Variants in SUPT3H observed in about 807,000 individuals in gnomAD.
SUPT3H encodes transcription initiation protein SPT3 homolog.
A neutral mutation model predicts 44.3 loss-of-function variants in SUPT3H; 44 were observed. The observed-to-expected ratio is 0.99, with a 90% CI of 0.78 to 1.28. SUPT3H has a LOEUF of 1.28. Among genes scored for constraint, SUPT3H ranks in the 50% most tolerant of loss-of-function variants. The pLI is 0.00. For missense variants in SUPT3H, 380 were observed against 387.1 expected (o/e 0.98, Z 0.15); for synonymous variants, 124 against 125.6 (o/e 0.99, Z 0.09).
intron 2 of SUPT3H, among the ~76,000 whole-genome samples, chr6:45,198,762 C>T (rs573025083): frequency 5.0e-5 from 5 of 100,976 alleles, no homozygotes; most frequent in Admixed American, 9.4e-5. Context: ...TTAAGTCACA[C>T]TACCTGAAGT....
chr6:45,201,877 A>G (rs4714842), intron 2 of SUPT3H, among the ~76,000 whole-genome samples: 16,968 of 151,934 alleles, frequency 0.11, 1,343 homozygotes, highest in East Asian at 0.26. Flanking sequence ...TTAAAATATT[A>G]ACAGTTTTAT....
intron 2 of SUPT3H, among the ~76,000 whole-genome samples, chr6:45,170,812 G>A (rs191209616): frequency 1.3e-5 from 2 of 152,178 alleles, no homozygotes; most frequent in East Asian, 3.9e-4. Context: ...ATTAACATAA[G>A]AATGCTAGCA....
intron 2 of SUPT3H, among the ~76,000 whole-genome samples, chr6:45,249,697 C>G (rs1229304065): frequency 6.6e-6 from 1 of 152,084 alleles, no homozygotes; most frequent in Non-Finnish European, 1.5e-5. Flanking sequence ...CTTTTCCAAC[C>G]TCACTCAAGC....
At chr6:45,126,496 AT>A (rs545624188) in intron 2 of SUPT3H, among the ~76,000 whole-genome samples, 8 of 151,820 alleles carry the variant, frequency 5.3e-5, no homozygotes, top group African/African-American at 1.7e-4. Flanking sequence ...AAAACGGTCA[AT>A]TTTTTTTTAA....
At chr6:45,358,237 A>G (rs62400332) in intron 2 of SUPT3H, among the ~76,000 whole-genome samples, 3 of 152,198 alleles carry the variant, frequency 2.0e-5, no homozygotes, top group African/African-American at 7.2e-5. Context: ...TGTATTTACT[A>G]TATTTCTTCT....
chr6:45,251,981 T>A (rs1274574923), intron 2 of SUPT3H, among the ~76,000 whole-genome samples: 1 of 152,048 alleles, frequency 6.6e-6, no homozygotes, highest in Non-Finnish European at 1.5e-5. Context: ...CATGTTTAAA[T>A]AAAGAAAAGG....
intron 3 of SUPT3H, among the ~76,000 whole-genome samples, chr6:45,029,089 C>T (rs1583154712): frequency 6.6e-6 from 1 of 151,602 alleles, no homozygotes; most frequent in South Asian, 2.1e-4. Flanking sequence ...ATTTTCCTAC[C>T]ATATAATCGT....
At chr6:45,161,542 A>AT (rs1053536521) in intron 2 of SUPT3H, among the ~76,000 whole-genome samples, 7 of 152,148 alleles carry the variant, frequency 4.6e-5, no homozygotes, top group African/African-American at 1.7e-4. Context: ...CATAAACTGC[A>AT]TTTTTTTCAA....
Position 45,173,645 on chromosome 6 carries a change from T to C in SUPT3H, c.102-67639A>G, listed in dbSNP as rs548490649. The stretch of plus-strand genomic sequence containing the variant: ...ATTATTTCTAATGGTTCTAAACCAA[T>C]AACTGTAAACCATACTCTGTCAACT... On this transcript the variant is annotated intron_variant, in intron 2 of 10. Transcript: ENST00000371459. Among the ~76,000 whole-genome samples, 4 of 152,356 alleles carry C rather than the reference T, an allele frequency of 2.6e-5. No individual in the cohort carries two copies. In the East Asian group the frequency reaches 7.7e-4, roughly 29 times the overall value.
chr6:45,130,521 C>CTA (rs1407618754), intron 2 of SUPT3H, among the ~76,000 whole-genome samples: 8 of 151,780 alleles, frequency 5.3e-5, no homozygotes, highest in Non-Finnish European at 1.2e-4. Context: ...TTTTTGAGGC[C>CTA]TAGCTCTGTA....
intron 3 of SUPT3H, among the ~76,000 whole-genome samples, chr6:45,063,762 A>G (rs1792670982): frequency 7.1e-6 from 1 of 140,454 alleles, no homozygotes; most frequent in African/African-American, 2.7e-5. Flanking sequence ...TTAGAGAAAA[A>G]AGAGTAAAAA....
At chr6:45,214,424 AC>A (rs149223263) in intron 2 of SUPT3H, among the ~76,000 whole-genome samples, 3,923 of 152,208 alleles carry the variant, frequency 0.026, 54 homozygotes, top group Middle Eastern at 0.068. Flanking sequence ...AGAATTACAT[AC>A]AAAAAAAAAT....
At chr6:45,037,878 T>C (rs1787925720) in intron 3 of SUPT3H, among the ~76,000 whole-genome samples, 1 of 151,982 alleles carries the variant, frequency 6.6e-6, no homozygotes, top group African/African-American at 2.4e-5. Context: ...TTCTATAACT[T>C]TCTGTATTTT....
At chr6:44,850,316 T>A (rs1772651029) in intron 10 of SUPT3H, among the ~76,000 whole-genome samples, 1 of 152,158 alleles carries the variant, frequency 6.6e-6, no homozygotes, top group African/African-American at 2.4e-5. Context: ...CCCCTAACCT[T>A]TTTTTTCCTG....
chr6:45,099,784 A>G lies in SUPT3H; in HGVS notation c.186+6138T>C, dbSNP rs938913930. 2.6e-5 allele frequency among the ~76,000 whole-genome samples: 4 copies of G among 152,222 alleles called. No homozygotes were observed. The East Asian group carries it at 5.8e-4, about 22-fold the overall frequency. ...AATTTATTAAAGCAGAAAACCATTC[A>G]AAACAGTAAATGGCAATCTAAAAAT... On this transcript the variant is annotated intron_variant, in intron 3 of 10. Coordinates refer to ENST00000371459, the MANE Select transcript of SUPT3H (RefSeq NM_003599.4).
At chr6:44,854,684 T>C (rs929766409) in intron 10 of SUPT3H, among the ~76,000 whole-genome samples, 1 of 152,184 alleles carries the variant, frequency 6.6e-6, no homozygotes, top group African/African-American at 2.4e-5. Flanking sequence ...GAACCATCTC[T>C]GCTTATGACC....
In SUPT3H at chr6:45,080,490, G is replaced by A. The variant is rs189130071; in HGVS notation, c.186+25432C>T. On this transcript the variant is annotated intron_variant, in intron 3 of 10. Coordinates refer to ENST00000371459, the MANE Select transcript of SUPT3H (RefSeq NM_003599.4). ...ATATTGAAAAGATATCTGCATTCCC[G>A]TGTTTACTAGTCACAATAGTAAAGA... Among the ~76,000 whole-genome samples the A allele has an allele frequency of 6.1e-4, 93 of 151,974 alleles. 1 individual carries two copies. The highest frequency in any genetic ancestry group is 2.1e-3 in the African/African-American group (88 of 41,492).
At chr6:45,243,309 T>C (rs936673275) in intron 2 of SUPT3H, among the ~76,000 whole-genome samples, 4 of 150,422 alleles carry the variant, frequency 2.7e-5, no homozygotes, top group Non-Finnish European at 4.4e-5. Flanking sequence ...AAAACTTCTA[T>C]AGCATAAAAA....
At chr6:44,888,231 C>T (rs181513286) in intron 10 of SUPT3H, among the ~76,000 whole-genome samples, 2,031 of 152,150 alleles carry the variant, frequency 0.013, 49 homozygotes, top group African/African-American at 0.046. Flanking sequence ...TTCCAATCAA[C>T]AGAAAAAGAG....
Sources: allele counts gnomAD v4.1 joint callset (sites outside exome capture counted in the v4.1 genomes callset), GRCh38; gene constraint gnomAD v4.1.1; transcripts MANE v1.5; gene names NCBI Gene and HGNC (gene_info 2026-07-23, HGNC 2026-07-21).